The following METAP1 variants were observed in gnomAD, a reference collection of about 807,000 sequenced individuals.
The protein encoded by METAP1 is methionine aminopeptidase 1.
In METAP1, 28 loss-of-function variants were observed where a neutral mutation model predicts 53.8. That is an observed-to-expected ratio of 0.52 (90% confidence interval 0.39 to 0.71). METAP1 has a LOEUF of 0.71. Ranked by LOEUF, METAP1 falls within the 30% of genes least tolerant of loss-of-function variation. METAP1 has a pLI of 0.00. For missense variants in METAP1, 389 were observed against 479.8 expected (o/e 0.81, Z 1.77); for synonymous variants, 181 against 165.7 (o/e 1.09, Z -0.71).
chr4:99,052,474 G>A (rs1458641999), intron 9 of METAP1, among the ~76,000 whole-genome samples: 1 of 152,212 alleles, frequency 6.6e-6, no homozygotes, highest in East Asian at 1.9e-4. Context: ...CATGGCGGAA[G>A]GCAAAGAGGG....
At chr4:99,043,715 A>G (rs1271007360) in intron 7 of METAP1, among the ~76,000 whole-genome samples, 1 of 152,060 alleles carries the variant, frequency 6.6e-6, no homozygotes, top group Non-Finnish European at 1.5e-5. Context: ...TTTTGAAGAG[A>G]CCAGGGCAGG....
intron 1 of METAP1, among the ~76,000 whole-genome samples, chr4:98,996,762 G>C (rs551585919): frequency 6.6e-6 from 1 of 152,312 alleles, no homozygotes; most frequent in East Asian, 1.9e-4. Flanking sequence ...TCGAGACCCA[G>C]GATGAGGGCT....
At chr4:99,012,432 G>A (rs563653733) in intron 1 of METAP1, among the ~76,000 whole-genome samples, 15 of 151,578 alleles carry the variant, frequency 9.9e-5, no homozygotes, top group Admixed American at 3.3e-4. Context: ...CTGCCACCAC[G>A]CCCGGCTAAT....
At chr4:99,020,132 G>T (rs1157770479) in intron 1 of METAP1, among the ~76,000 whole-genome samples, 1 of 152,100 alleles carries the variant, frequency 6.6e-6, no homozygotes, top group Non-Finnish European at 1.5e-5. Context: ...CAGCTCTGCA[G>T]ATCATGTTCC....
At chr4:99,023,072 G>A (rs993994702) in intron 1 of METAP1, 2 of 1,331,714 alleles carry the variant, frequency 1.5e-6, no homozygotes, top group Admixed American at 2.1e-5. Flanking sequence ...TCTAGTGTCT[G>A]GTCTGTCCCT....
In METAP1 at chr4:99,004,396, G is replaced by A. The variant is rs192797061; in HGVS notation, c.114+8529G>A. ...GGCCTAAAGCACCCAACACTATAAC[G>A]AGACTGCAACAAGGCTAGGGGAGTT... is the stretch of plus-strand genomic sequence containing the variant. On this transcript the variant is annotated intron_variant, in intron 1 of 10. Transcript: ENST00000296411. Among the ~76,000 whole-genome samples, 6 of 151,546 alleles carry A rather than the reference G, an allele frequency of 4.0e-5. No homozygotes were observed. In the East Asian group the frequency reaches 5.8e-4, roughly 15 times the overall value.
At chr4:99,044,090 G>C (rs1276409639) in intron 7 of METAP1, among the ~76,000 whole-genome samples, 2 of 152,066 alleles carry the variant, frequency 1.3e-5, no homozygotes, top group East Asian at 3.9e-4. Flanking sequence ...ACCATGCCCA[G>C]CTCAGTTTTT....
At chr4:99,050,849 A>G (rs1164064077) in intron 9 of METAP1, among the ~76,000 whole-genome samples, 3 of 152,118 alleles carry the variant, frequency 2.0e-5, no homozygotes, top group African/African-American at 7.2e-5. Context: ...TCTGTGGAAA[A>G]ATTCTGTTCT....
At chr4:99,014,288 C>G (rs1264142057) in intron 1 of METAP1, among the ~76,000 whole-genome samples, 2 of 152,148 alleles carry the variant, frequency 1.3e-5, no homozygotes, top group East Asian at 3.8e-4. Flanking sequence ...ATACTTCTAT[C>G]TGGGGCTGTG....
At chr4:99,012,582 T>A (rs1182195125) in intron 1 of METAP1, among the ~76,000 whole-genome samples, 1 of 151,866 alleles carries the variant, frequency 6.6e-6, no homozygotes, top group Non-Finnish European at 1.5e-5. Flanking sequence ...GCCGAGGTGT[T>A]TCTTTTTTAG....
intron 2 of METAP1, among the ~76,000 whole-genome samples, chr4:99,033,578 A>G (rs567474114): frequency 2.0e-5 from 3 of 152,200 alleles, no homozygotes; most frequent in Non-Finnish European, 4.4e-5. Context: ...GTGTATGGAT[A>G]TGATTCTTAA....
At chr4:98,998,281 G>T (rs1722734357) in intron 1 of METAP1, among the ~76,000 whole-genome samples, 1 of 152,144 alleles carries the variant, frequency 6.6e-6, no homozygotes, top group South Asian at 2.1e-4. Flanking sequence ...TCAGCACTTT[G>T]GGAGGCCTAG....
At chr4:99,002,482 A>G (rs944306710) in intron 1 of METAP1, among the ~76,000 whole-genome samples, 1 of 152,142 alleles carries the variant, frequency 6.6e-6, no homozygotes, top group Non-Finnish European at 1.5e-5. Flanking sequence ...CTCAACAATT[A>G]TAAGTCTTTT....
At chr4:99,004,486 C>CACACAT (rs1560691941) in intron 1 of METAP1, among the ~76,000 whole-genome samples, 3 of 25,024 alleles carry the variant, frequency 1.2e-4, no homozygotes, top group African/African-American at 5.2e-4. Context: ...CACACACATA[C>CACACAT]ACACACACAC....
chr4:99,042,186 GA>G (rs1307300356), intron 6 of METAP1, among the ~76,000 whole-genome samples: 1 of 151,674 alleles, frequency 6.6e-6, no homozygotes, highest in African/African-American at 2.4e-5. Flanking sequence ...TGTATGCTCT[GA>G]ACTATTATTT....
intron 1 of METAP1, among the ~76,000 whole-genome samples, chr4:99,015,943 C>T (rs1041230087): frequency 6.6e-6 from 1 of 152,102 alleles, no homozygotes; most frequent in Admixed American, 6.5e-5. Context: ...CTGAGGGTGT[C>T]GACGCTTTCT....
rs1341461033 is a variant in METAP1 at position 99,031,628 on chromosome 4, TCC to T, written c.167-2601_167-2600del. 6.4e-6 allele frequency: 8 copies of T among 1,243,274 alleles called. No individual in the cohort carries two copies. In the African/African-American group the frequency reaches 7.7e-5, roughly 12 times the overall value. The allele number at this position is 1,243,274 out of a possible 1,614,324, so 77.0% of individuals were successfully genotyped here. A position where few individuals can be genotyped will look rare whatever the true frequency, so the allele number is the denominator to read the frequency against. On this transcript the variant is annotated intron_variant, in intron 2 of 10. Transcript: ENST00000296411. The stretch of plus-strand genomic sequence containing the variant: ...TTTGTGTGAGGATTAAATAAAGAAA[TCC>T]ATGAGAAGTGCTTAGCATGTGTACC...
Position 99,020,447 on chromosome 4 carries a change from T to C in METAP1, c.115-8420T>C, listed in dbSNP as rs1027315619. Among the ~76,000 whole-genome samples the C allele has an allele frequency of 2.0e-5, 3 of 152,128 alleles. No individual in the cohort carries two copies. The South Asian group carries it at 6.2e-4, about 32-fold the overall frequency. ...ATTGTTCTATCTCTCTCTGAAGCCC[T>C]CTTTTTAAGGAGATATCAGAGACTT... On this transcript the variant is annotated intron_variant, in intron 1 of 10. Coordinates refer to ENST00000296411, the MANE Select transcript of METAP1 (RefSeq NM_015143.3).
At chr4:98,996,927 T>A (rs931155805) in intron 1 of METAP1, among the ~76,000 whole-genome samples, 1 of 152,250 alleles carries the variant, frequency 6.6e-6, no homozygotes, top group Non-Finnish European at 1.5e-5. Context: ...TATTGTGCGA[T>A]CTTGAATTAG....
Sources: gnomAD v4.1 joint callset for allele counts (sites outside exome capture counted in the v4.1 genomes callset) on GRCh38, gnomAD v4.1.1 for gene constraint, MANE v1.5 for transcripts, NCBI Gene and HGNC (gene_info 2026-07-23, HGNC 2026-07-21) for gene names.